Variants in GABBR2 observed in about 807,000 individuals in gnomAD.
The protein encoded by GABBR2 is gamma-aminobutyric acid type B receptor subunit 2, also known as G-protein coupled receptor 51.
In GABBR2, 23 loss-of-function variants were observed where a neutral mutation model predicts 105.6. That is an observed-to-expected ratio of 0.22 (90% CI 0.16 to 0.31). The LOEUF is 0.31. Among genes scored for constraint, GABBR2 ranks in the 10% least tolerant of loss-of-function variants. The pLI is 1.00. For missense variants in GABBR2, 734 were observed against 1,245.5 expected (o/e 0.59, Z 6.18); for synonymous variants, 478 against 499.7 (o/e 0.96, Z 0.58).
At chr9:98,588,771 G>A (rs1399585726) in intron 1 of GABBR2, among the ~76,000 whole-genome samples, 3 of 152,212 alleles carry the variant, frequency 2.0e-5, no homozygotes, top group Non-Finnish European at 1.5e-5. Context: ...TGACCACCGA[G>A]TTTTGGGCAA....
intron 13 of GABBR2, among the ~76,000 whole-genome samples, chr9:98,313,878 G>A (rs975248327): frequency 6.6e-6 from 1 of 152,252 alleles, no homozygotes; most frequent in Non-Finnish European, 1.5e-5. Context: ...CAATGGACCT[G>A]GGCTTCTGTG....
intron 13 of GABBR2, among the ~76,000 whole-genome samples, chr9:98,311,460 T>G (rs1316440215): frequency 6.6e-6 from 1 of 152,202 alleles, no homozygotes; most frequent in Non-Finnish European, 1.5e-5. Flanking sequence ...CCAATTTGAG[T>G]CAGAGCTCCT....
chr9:98,493,836 G>C (rs1351242295), intron 4 of GABBR2, among the ~76,000 whole-genome samples: 1 of 152,152 alleles, frequency 6.6e-6, no homozygotes, highest in Admixed American at 6.5e-5. Context: ...AATTACGTTG[G>C]GTTTTAGGTG....
At chr9:98,616,271 C>T (rs991960262) in intron 1 of GABBR2, among the ~76,000 whole-genome samples, 4 of 152,178 alleles carry the variant, frequency 2.6e-5, no homozygotes, top group African/African-American at 9.7e-5. Context: ...CCTTTCTCAC[C>T]CTCCGGGTCA....
intron 13 of GABBR2, among the ~76,000 whole-genome samples, chr9:98,345,738 A>G (rs1183102712): frequency 6.6e-6 from 1 of 152,246 alleles, no homozygotes; most frequent in African/African-American, 2.4e-5. Flanking sequence ...TGGAACTAAC[A>G]GGTAATTATA....
chr9:98,492,276 A>G (rs1251932843), intron 4 of GABBR2, among the ~76,000 whole-genome samples: 1 of 141,236 alleles, frequency 7.1e-6, no homozygotes, highest in Non-Finnish European at 1.5e-5. Context: ...AAAACTGTAG[A>G]ATAATGGAAA....
intron 3 of GABBR2, among the ~76,000 whole-genome samples, chr9:98,504,995 G>C (rs556777491): frequency 1.4e-4 from 22 of 152,250 alleles, no homozygotes; most frequent in Non-Finnish European, 2.9e-4. Context: ...TCATGTAGAG[G>C]GGGGGCACCA....
At chr9:98,362,964 C>T (rs1831613479) in intron 12 of GABBR2, 127 bp from the exon 13 acceptor site, 2 of 698,924 alleles carry the variant, frequency 2.9e-6, no homozygotes, top group African/African-American at 1.8e-5. Flanking sequence ...CCTGCGATTC[C>T]CCATCACCCA....
chr9:98,619,942 T>A (rs997103425), intron 1 of GABBR2, among the ~76,000 whole-genome samples: 21 of 152,208 alleles, frequency 1.4e-4, no homozygotes, highest in African/African-American at 4.8e-4. Context: ...ACCACTCACC[T>A]GCTGTGTGGC....
intron 1 of GABBR2, among the ~76,000 whole-genome samples, chr9:98,670,831 G>A (rs1830397883): frequency 6.6e-6 from 1 of 152,078 alleles, no homozygotes; most frequent in Non-Finnish European, 1.5e-5. Context: ...CTAGAGGGTG[G>A]GAAGAATGGT....
chr9:98,554,954 C>T (rs1179255334), intron 2 of GABBR2, among the ~76,000 whole-genome samples: 3 of 152,084 alleles, frequency 2.0e-5, no homozygotes, highest in Non-Finnish European at 2.9e-5. Context: ...TGAATGCCAC[C>T]TCCGCCCCTC....
At chr9:98,602,280 T>G (rs534016214) in intron 1 of GABBR2, among the ~76,000 whole-genome samples, 8 of 151,828 alleles carry the variant, frequency 5.3e-5, no homozygotes, top group African/African-American at 1.9e-4. Flanking sequence ...GAGACCAGCC[T>G]GGCCAACACA....
intron 3 of GABBR2, among the ~76,000 whole-genome samples, chr9:98,529,145 C>T (rs1007197831): frequency 1.4e-5 from 2 of 147,862 alleles, no homozygotes; most frequent in African/African-American, 5.2e-5. Context: ...AAATGGCCGG[C>T]CAAAAAAATG....
At chr9:98,690,385 C>G (rs1480215147) in intron 1 of GABBR2, among the ~76,000 whole-genome samples, 1 of 152,194 alleles carries the variant, frequency 6.6e-6, no homozygotes, top group Non-Finnish European at 1.5e-5. Flanking sequence ...TTTTGCTAAA[C>G]ACCTAAAACT....
At chr9:98,675,003 C>A (rs188297021) in intron 1 of GABBR2, among the ~76,000 whole-genome samples, 13 of 152,252 alleles carry the variant, frequency 8.5e-5, no homozygotes, top group Admixed American at 6.5e-4. Flanking sequence ...GCTGGCCAGG[C>A]TCTCCCTTCT....
At chr9:98,573,897 C>T (rs1394110762) in intron 2 of GABBR2, among the ~76,000 whole-genome samples, 1 of 151,876 alleles carries the variant, frequency 6.6e-6, no homozygotes, top group Non-Finnish European at 1.5e-5. Context: ...TTTTTTTTGC[C>T]TCGCCACAAG....
intron 10 of GABBR2, among the ~76,000 whole-genome samples, chr9:98,386,811 G>A (rs1588134443): frequency 6.6e-6 from 1 of 152,182 alleles, no homozygotes; most frequent in African/African-American, 2.4e-5. Flanking sequence ...CAAAGGGAGA[G>A]GGAAATAAGA....
chr9:98,402,522 C>T (rs1163021965), intron 8 of GABBR2, among the ~76,000 whole-genome samples: 1 of 151,996 alleles, frequency 6.6e-6, no homozygotes. Context: ...ATAGCACCTG[C>T]CTGAGATGAG....
At chr9:98,460,643 TAA>T (rs1826407742) in intron 6 of GABBR2, among the ~76,000 whole-genome samples, 2 of 151,976 alleles carry the variant, frequency 1.3e-5, no homozygotes, top group Admixed American at 1.3e-4. Flanking sequence ...GAAATGAACA[TAA>T]GAGATACATG....
Sources: gnomAD v4.1 joint callset for allele counts (sites outside exome capture counted in the v4.1 genomes callset) on GRCh38, gnomAD v4.1.1 for gene constraint, MANE v1.5 for transcripts, NCBI Gene and HGNC (gene_info 2026-07-23, HGNC 2026-07-21) for gene names.